The following TMEM117 variants were observed in gnomAD, a reference collection of about 807,000 sequenced individuals.
TMEM117 encodes the protein transmembrane protein 117.
TMEM117 carries 27 observed loss-of-function variants against 52.4 expected under a neutral mutation model. That is an observed-to-expected ratio of 0.51 (90% CI 0.38 to 0.71). TMEM117 has a LOEUF of 0.71. Among genes scored for constraint, TMEM117 ranks in the 30% least tolerant of loss-of-function variants. The pLI is 0.00. For synonymous variants in TMEM117, 215 were observed against 206.3 expected (o/e 1.04, Z -0.36); for missense variants, 556 against 630.5 (o/e 0.88, Z 1.26).
the TMEM117 span, among the ~76,000 whole-genome samples, chr12:44,396,176 C>G: frequency 8.0e-3 from 1,216 of 152,230 alleles, 21 homozygotes; most frequent in African/African-American, 0.028. Context: ...TGTTGAACTA[C>G]TGACAGCTCT....
At chr12:44,085,862 A>G (rs1386518615) in intron 3 of TMEM117, among the ~76,000 whole-genome samples, 1 of 152,178 alleles carries the variant, frequency 6.6e-6, no homozygotes, top group Non-Finnish European at 1.5e-5. Flanking sequence ...TTTCTAGAGA[A>G]GAATAAGAAT....
intron 5 of TMEM117, among the ~76,000 whole-genome samples, chr12:44,232,624 A>G (rs1048906439): frequency 1.3e-5 from 2 of 151,470 alleles, no homozygotes; most frequent in African/African-American, 4.8e-5. Context: ...CAGCATGTCA[A>G]TTTCCACAAT....
intron 3 of TMEM117, among the ~76,000 whole-genome samples, chr12:43,974,976 AC>A (rs1945649905): frequency 6.6e-6 from 1 of 152,154 alleles, no homozygotes; most frequent in African/African-American, 2.4e-5. Flanking sequence ...AATGTATTTA[AC>A]CTATCACAAT....
intron 2 of TMEM117, among the ~76,000 whole-genome samples, chr12:43,886,086 A>G (rs1943989386): frequency 6.6e-6 from 1 of 152,224 alleles, no homozygotes; most frequent in Non-Finnish European, 1.5e-5. Context: ...AGGCATTAAA[A>G]GATCTTAAGC....
chr12:44,143,758 G>A (rs534245402), intron 4 of TMEM117, 134 bp downstream of exon 4: 1 of 613,604 alleles, frequency 1.6e-6, no homozygotes, highest in African/African-American at 1.9e-5. Context: ...TATGAGTAAA[G>A]ATAATTCCAG....
At chr12:43,942,726 G>A (rs1246575726) in intron 2 of TMEM117, among the ~76,000 whole-genome samples, 1 of 151,952 alleles carries the variant, frequency 6.6e-6, no homozygotes, top group Non-Finnish European at 1.5e-5. Context: ...GAGATATAAG[G>A]AAAAGTTCAA....
intron 2 of TMEM117, among the ~76,000 whole-genome samples, chr12:43,863,704 G>C (rs1277215413): frequency 2.6e-5 from 4 of 152,140 alleles, no homozygotes; most frequent in African/African-American, 7.2e-5. Flanking sequence ...CAAAAGCAAT[G>C]GCTGAGAGGT....
chr12:44,002,701 T>G (rs1371013256), intron 3 of TMEM117, among the ~76,000 whole-genome samples: 2 of 152,196 alleles, frequency 1.3e-5, no homozygotes, highest in African/African-American at 2.4e-5. Context: ...TCATATCTCA[T>G]GATTATCGAT....
chr12:44,098,219 A>C (rs887297502), intron 3 of TMEM117, among the ~76,000 whole-genome samples: 1 of 152,108 alleles, frequency 6.6e-6, no homozygotes, highest in Non-Finnish European at 1.5e-5. Flanking sequence ...TATAGTGATG[A>C]ACAAGACAGG....
At chr12:43,929,954 A>G (rs1171924412) in intron 2 of TMEM117, among the ~76,000 whole-genome samples, 2 of 152,000 alleles carry the variant, frequency 1.3e-5, no homozygotes, top group Admixed American at 1.3e-4. Flanking sequence ...TATGTGCCTA[A>G]TTTAAAAAAT....
chr12:44,333,410 C>A (rs912315748), intron 6 of TMEM117, among the ~76,000 whole-genome samples: 1 of 151,862 alleles, frequency 6.6e-6, no homozygotes, highest in Non-Finnish European at 1.5e-5. Flanking sequence ...GGCTGTGTCC[C>A]CACCCAAATC....
chr12:43,978,676 T>C (rs1391458821), intron 3 of TMEM117, among the ~76,000 whole-genome samples: 2 of 152,202 alleles, frequency 1.3e-5, no homozygotes, highest in Admixed American at 6.5e-5. Flanking sequence ...GAGAGTGTTA[T>C]CTGAAGATCT....
intron 6 of TMEM117, among the ~76,000 whole-genome samples, chr12:44,364,796 C>T (rs535094486): frequency 4.6e-5 from 7 of 152,178 alleles, no homozygotes; most frequent in African/African-American, 7.2e-5. Context: ...AAGTCATATA[C>T]GTAACATAAA....
chr12:44,065,053 C>T (rs1252955658), intron 3 of TMEM117, among the ~76,000 whole-genome samples: 1 of 152,012 alleles, frequency 6.6e-6, no homozygotes, highest in Admixed American at 6.6e-5. Context: ...TTTAGTAATA[C>T]AATCTGATAA....
intron 3 of TMEM117, among the ~76,000 whole-genome samples, chr12:44,075,225 G>A (rs577828522): frequency 1.6e-4 from 25 of 152,220 alleles, no homozygotes; most frequent in Non-Finnish European, 3.1e-4. Context: ...TGGTGGGGAT[G>A]TTGTATTAGG....
intron 3 of TMEM117, among the ~76,000 whole-genome samples, chr12:44,045,969 G>T (rs533913286): frequency 1.2e-3 from 186 of 152,332 alleles, no homozygotes; most frequent in South Asian, 4.1e-3. Flanking sequence ...GGCCTTTGAG[G>T]TCAGAATTAC....
chr12:44,129,073 G>T (rs1197164083), intron 3 of TMEM117, among the ~76,000 whole-genome samples: 1 of 152,166 alleles, frequency 6.6e-6, no homozygotes, highest in Admixed American at 6.5e-5. Context: ...TGGTGTCATT[G>T]TTGAAGCTTG....
chr12:44,302,268 G>C (rs551578395), intron 6 of TMEM117, among the ~76,000 whole-genome samples: 1 of 152,082 alleles, frequency 6.6e-6, no homozygotes, highest in Non-Finnish European at 1.5e-5. Flanking sequence ...CTCATTGTCC[G>C]AGAGGAGAGT....
intron 6 of TMEM117, among the ~76,000 whole-genome samples, chr12:44,323,559 T>C (rs1426606382): frequency 6.6e-6 from 1 of 152,188 alleles, no homozygotes; most frequent in African/African-American, 2.4e-5. Context: ...CATTTGACCA[T>C]GTAGTATCAC....
Sources: gnomAD v4.1 joint callset for allele counts (sites outside exome capture counted in the v4.1 genomes callset) on GRCh38, gnomAD v4.1.1 for gene constraint, MANE v1.5 for transcripts, NCBI Gene and HGNC (gene_info 2026-07-23, HGNC 2026-07-21) for gene names.